Variants in SUGCT observed in about 807,000 individuals in gnomAD.
The protein encoded by SUGCT is succinyl-CoA:glutarate CoA-transferase.
A neutral mutation model predicts 55.0 loss-of-function variants in SUGCT; 41 were observed. The ratio of observed to expected loss-of-function variants is 0.74; its 90% CI spans 0.58 to 0.97. SUGCT has a LOEUF of 0.97. SUGCT is among the 50% of genes least tolerant of loss of function. SUGCT has a pLI of 0.00. For missense variants in SUGCT, 568 were observed against 547.8 expected (o/e 1.04, Z -0.37); for synonymous variants, 187 against 200.4 (o/e 0.93, Z 0.56).
intron 11 of SUGCT, among the ~76,000 whole-genome samples, chr7:40,485,639 A>G (rs1046510447): frequency 4.0e-5 from 6 of 150,918 alleles, no homozygotes; most frequent in African/African-American, 1.5e-4. Context: ...CTAGCCTCAA[A>G]CTCCTAAGCT....
At chr7:40,598,874 A>G (rs1480808569) in intron 12 of SUGCT, among the ~76,000 whole-genome samples, 1 of 152,098 alleles carries the variant, frequency 6.6e-6, no homozygotes, top group Non-Finnish European at 1.5e-5. Flanking sequence ...TTGACATTTG[A>G]GAGAGAGAGA....
chr7:40,737,679 C>T (rs373289109), intron 12 of SUGCT, among the ~76,000 whole-genome samples: 20 of 152,054 alleles, frequency 1.3e-4, no homozygotes, highest in African/African-American at 2.4e-4. Flanking sequence ...ATAATTGATA[C>T]GGGGATAACT....
rs1323908322 is a variant in SUGCT at position 40,317,321 on chromosome 7, AGCT to A, written c.816+471_816+473del. ...TTTGGAACAAAGCAGATGGCTCAGG[AGCT>A]GCTGTTCTTTATTAAGTGTCTTAAC... is the stretch of plus-strand genomic sequence containing the variant. On this transcript the variant is annotated intron_variant, in intron 9 of 13. Coordinates refer to ENST00000335693, the MANE Select transcript of SUGCT (RefSeq NM_001193313.2). Among the ~76,000 whole-genome samples, 5 of 152,266 alleles carry A rather than the reference AGCT, an allele frequency of 3.3e-5. No homozygotes were observed. In the East Asian group the frequency reaches 9.7e-4, roughly 29 times the overall value.
At chr7:40,626,539 A>G (rs945639879) in intron 12 of SUGCT, among the ~76,000 whole-genome samples, 1 of 152,104 alleles carries the variant, frequency 6.6e-6, no homozygotes, top group Non-Finnish European at 1.5e-5. Context: ...GGCATGAGCC[A>G]CTGAGCCCGG....
chr7:40,535,335 AG>A (rs934404877), intron 12 of SUGCT, among the ~76,000 whole-genome samples: 1 of 152,090 alleles, frequency 6.6e-6, no homozygotes, highest in Non-Finnish European at 1.5e-5. Flanking sequence ...GGTAGTCCCC[AG>A]TTTCTATTGC....
At chr7:40,371,863 A>G (rs549753453) in intron 9 of SUGCT, among the ~76,000 whole-genome samples, 1 of 152,118 alleles carries the variant, frequency 6.6e-6, no homozygotes, top group South Asian at 2.1e-4. Context: ...TTTAAAAATC[A>G]TGTTCACTGG....
the SUGCT span, among the ~76,000 whole-genome samples, chr7:40,935,470 T>A: frequency 6.6e-6 from 1 of 152,222 alleles, no homozygotes; most frequent in Non-Finnish European, 1.5e-5. Flanking sequence ...TGGCTTTGCC[T>A]GTTCTGGCTA....
intron 13 of SUGCT, among the ~76,000 whole-genome samples, chr7:40,806,170 C>T (rs1209620315): frequency 6.6e-6 from 1 of 152,120 alleles, no homozygotes; most frequent in Non-Finnish European, 1.5e-5. Context: ...TAAGTTCCTG[C>T]TTTTAAAAAG....
intron 6 of SUGCT, among the ~76,000 whole-genome samples, chr7:40,220,884 C>T: frequency 6.6e-6 from 1 of 152,132 alleles, no homozygotes; most frequent in East Asian, 1.9e-4. Flanking sequence ...TTACTATTAG[C>T]TTAGCTCAAA....
At chr7:40,883,704 G>A in the SUGCT span, among the ~76,000 whole-genome samples, 1 of 152,172 alleles carries the variant, frequency 6.6e-6, no homozygotes, top group East Asian at 1.9e-4. Flanking sequence ...GACTTTCCAG[G>A]ATGTACTTTA....
At chr7:40,968,153 G>A in the SUGCT span, 1 of 152,100 alleles carries the variant, frequency 6.6e-6, no homozygotes, top group Non-Finnish European at 1.5e-5. Context: ...CTTGTCCACA[G>A]CTTTAAGTCT....
At chr7:40,266,185 C>CGT (rs1791562263) in intron 7 of SUGCT, among the ~76,000 whole-genome samples, 1 of 116,824 alleles carries the variant, frequency 8.6e-6, no homozygotes, top group Non-Finnish European at 1.7e-5. Context: ...CTTTCCTTTC[C>CGT]TTTTTTTTTT....
At chr7:40,301,434 A>G (rs978779980) in intron 8 of SUGCT, among the ~76,000 whole-genome samples, 6 of 152,198 alleles carry the variant, frequency 3.9e-5, no homozygotes, top group Admixed American at 3.9e-4. Context: ...TATTCTTTAC[A>G]TGAATTTTTG....
chr7:41,037,995 A>G, the SUGCT span, among the ~76,000 whole-genome samples: 3 of 152,134 alleles, frequency 2.0e-5, no homozygotes, highest in East Asian at 5.8e-4. Context: ...AAAGGAAAAA[A>G]ATTATCTAAT....
chr7:40,843,899 G>A (rs562308303), intron 13 of SUGCT, among the ~76,000 whole-genome samples: 13 of 152,262 alleles, frequency 8.5e-5, no homozygotes, highest in South Asian at 8.3e-4. Flanking sequence ...AAGCCTGCAG[G>A]CAGGGAGAGC....
intron 7 of SUGCT, among the ~76,000 whole-genome samples, chr7:40,250,828 CTTT>C (rs67372014): frequency 0.12 from 14,900 of 121,148 alleles, 1,204 homozygotes; most frequent in Non-Finnish European, 0.17. Flanking sequence ...TTTCACGCTT[CTTT>C]TTTTTTTTTT....
At chr7:40,351,071 G>C (rs531557760) in intron 9 of SUGCT, among the ~76,000 whole-genome samples, 1 of 151,906 alleles carries the variant, frequency 6.6e-6, no homozygotes, top group African/African-American at 2.4e-5. Flanking sequence ...TAATGATTTT[G>C]AATGTTTTTT....
chr7:40,368,430 C>A (rs76782571), intron 9 of SUGCT, among the ~76,000 whole-genome samples: 4 of 152,036 alleles, frequency 2.6e-5, no homozygotes, highest in African/African-American at 9.7e-5. Flanking sequence ...AACTTTTGAC[C>A]TTGTGATCCC....
chr7:40,744,514 AT>A (rs72015705), intron 12 of SUGCT, among the ~76,000 whole-genome samples: 70 of 150,800 alleles, frequency 4.6e-4, no homozygotes, highest in African/African-American at 1.5e-3. Flanking sequence ...AAGCTTTTCC[AT>A]TTTTTTTTGT....
Sources: allele counts gnomAD v4.1 joint callset (sites outside exome capture counted in the v4.1 genomes callset), GRCh38; gene constraint gnomAD v4.1.1; transcripts MANE v1.5; gene names NCBI Gene and HGNC (gene_info 2026-07-23, HGNC 2026-07-21).